HEATR4: variants seen among roughly 807,000 people sequenced by gnomAD.
HEATR4 encodes HEAT repeat containing 4.
In HEATR4, 95 loss-of-function variants were observed where a neutral mutation model predicts 108.8. The observed-to-expected ratio is 0.87, with a 90% CI of 0.74 to 1.04. The LOEUF is 1.04. HEATR4 is among the 50% of genes least tolerant of loss of function. The pLI is 0.00. For missense variants in HEATR4, 1,152 were observed against 1,253.8 expected (o/e 0.92, Z 1.23); for synonymous variants, 443 against 459.4 (o/e 0.96, Z 0.46).
chr14:73,491,199 A>T, intron 17 of HEATR4: 1 of 1,596,236 alleles, frequency 6.3e-7, no homozygotes, highest in Non-Finnish European at 8.5e-7. Flanking sequence ...CTGCCTAGCG[A>T]GAACTCGGAG....
chr14:73,528,376 G>C (rs1390029735), intron 2 of HEATR4, among the ~76,000 whole-genome samples: 3 of 112,064 alleles, frequency 2.7e-5, no homozygotes, highest in Admixed American at 1.2e-4. Context: ...TGGACGACAA[G>C]AGCGAAACTT....
the HEATR4 span, among the ~76,000 whole-genome samples, chr14:73,598,197 C>G: frequency 7.3e-6 from 1 of 137,038 alleles, no homozygotes. Context: ...CATGGTGAAA[C>G]CCCGTCTCTA....
At chr14:73,576,773 G>GCAA in the HEATR4 span, among the ~76,000 whole-genome samples, 5 of 66,510 alleles carry the variant, frequency 7.5e-5, no homozygotes, top group Middle Eastern at 0.015. Context: ...TCCAGCCTGG[G>GCAA]CAACAGCAAG....
chr14:73,535,013 A>T (rs1256297216), intron 1 of HEATR4, among the ~76,000 whole-genome samples: 1 of 113,788 alleles, frequency 8.8e-6, no homozygotes, highest in African/African-American at 2.9e-5. Flanking sequence ...GTATATTTAT[A>T]CTGTTCTCTA....
chr14:73,612,429 G>T, the HEATR4 span: 1 of 501,418 alleles, frequency 2.0e-6, no homozygotes, highest in Non-Finnish European at 3.2e-6. Context: ...CCCACGCAGC[G>T]GCCTGGAGCC....
In HEATR4 at chr14:73,514,040, A is replaced by G. The variant is rs142566881; in HGVS notation, c.1405T>C (p.Trp469Arg). ...ACCTCCCTTCACTCACTCAGAGCCC[A>G]GGCAGTCTTCCATTCCTTCAGCATC... ...RRMLKEWKTA[W>R]ALIIEWHHET... The change falls in exon 6 of 18, where the codon TGG becomes CGG. Residue 469 changes from tryptophan (W) to arginine (R), a missense_variant. Physicochemically the swap from Trp to Arg is moderately radical, Grantham distance 101. Transcript: ENST00000553558. The G allele has an allele frequency of 7.5e-5, 121 of 1,614,194 alleles. No homozygotes were observed. The East Asian group carries it at 2.7e-3, about 36-fold the overall frequency.
At chr14:73,506,697 C>T (rs1886850554) in intron 9 of HEATR4, 126 bp from the exon 10 acceptor site, 2 of 605,328 alleles carry the variant, frequency 3.3e-6, no homozygotes, top group Non-Finnish European at 5.8e-6. Flanking sequence ...AGAGATGGGG[C>T]ATGTTTCCAT....
chr14:73,593,329 TTTC>T, the HEATR4 span, among the ~76,000 whole-genome samples: 1 of 130,146 alleles, frequency 7.7e-6, no homozygotes. Flanking sequence ...TTTTCTTTTC[TTTC>T]TTTCTTTTTT....
intron 1 of HEATR4, chr14:73,537,343 C>A: frequency 8.6e-7 from 1 of 1,157,278 alleles, no homozygotes; most frequent in South Asian, 1.5e-5. Context: ...GACGGCAGCC[C>A]GAGAGGAAGA....
chr14:73,622,602 G>A, the HEATR4 span, among the ~76,000 whole-genome samples: 2 of 151,960 alleles, frequency 1.3e-5, no homozygotes, highest in African/African-American at 2.4e-5. Context: ...GTTTCTCCAT[G>A]TTGGTCAGGC....
the HEATR4 span, among the ~76,000 whole-genome samples, chr14:73,614,741 T>A: frequency 1.1e-5 from 1 of 89,606 alleles, no homozygotes; most frequent in African/African-American, 5.2e-5. Context: ...AGCGAGACCC[T>A]GTCTCAAAAA....
the HEATR4 span, chr14:73,573,565 T>C: frequency 1.2e-6 from 2 of 1,613,782 alleles, no homozygotes; most frequent in South Asian, 1.1e-5. Flanking sequence ...GAAGAAGCCA[T>C]GAACTACTTG....
At chr14:73,532,421 C>T (rs188758603) in intron 1 of HEATR4, among the ~76,000 whole-genome samples, 1 of 116,250 alleles carries the variant, frequency 8.6e-6, no homozygotes, top group African/African-American at 2.8e-5. Flanking sequence ...TACAGAAATT[C>T]TGATCTTCAG....
intron 17 of HEATR4, among the ~76,000 whole-genome samples, chr14:73,483,727 T>C (rs1885339127): frequency 6.6e-6 from 1 of 152,350 alleles, no homozygotes; most frequent in Non-Finnish European, 1.5e-5. Flanking sequence ...CAAACTGTTA[T>C]GGCATTTAGA....
chr14:73,504,604 A>G (rs1052995973), intron 10 of HEATR4, among the ~76,000 whole-genome samples: 3 of 152,152 alleles, frequency 2.0e-5, no homozygotes, highest in African/African-American at 4.8e-5. Flanking sequence ...GGACTTTAGC[A>G]GCAGGGTGCT....
At chr14:73,587,556 A>G in the HEATR4 span, among the ~76,000 whole-genome samples, 2 of 152,150 alleles carry the variant, frequency 1.3e-5, no homozygotes, top group Non-Finnish European at 2.9e-5. Flanking sequence ...GGGTTTTGCC[A>G]CATTGGCCAA....
intron 7 of HEATR4, among the ~76,000 whole-genome samples, chr14:73,510,884 A>G (rs1286508609): frequency 6.6e-6 from 1 of 152,238 alleles, no homozygotes; most frequent in Admixed American, 6.5e-5. Flanking sequence ...TAGGGTCCAC[A>G]AAGGGCCTGC....
the HEATR4 span, among the ~76,000 whole-genome samples, chr14:73,617,639 C>T: frequency 1.3e-5 from 2 of 152,124 alleles, no homozygotes; most frequent in Non-Finnish European, 2.9e-5. Flanking sequence ...CAGTTACTCT[C>T]TCTGGAGTTC....
At chr14:73,587,176 C>T in the HEATR4 span, among the ~76,000 whole-genome samples, 4 of 151,646 alleles carry the variant, frequency 2.6e-5, no homozygotes, top group Non-Finnish European at 4.4e-5. Flanking sequence ...TTCAGCCCCA[C>T]GAACAGCTGC....
Sources: gnomAD v4.1 joint callset for allele counts (sites outside exome capture counted in the v4.1 genomes callset) on GRCh38, gnomAD v4.1.1 for gene constraint, MANE v1.5 for transcripts, NCBI Gene and HGNC (gene_info 2026-07-23, HGNC 2026-07-21) for gene names.